The following MEGF6 variants were observed in gnomAD, a reference collection of about 807,000 sequenced individuals.
The protein encoded by MEGF6 is multiple epidermal growth factor-like domains protein 6.
MEGF6 carries 184 observed loss-of-function variants against 207.1 expected under a neutral mutation model. The ratio of observed to expected loss-of-function variants is 0.89; its 90% CI spans 0.79 to 1.00. The LOEUF (loss-of-function observed/expected upper bound fraction) is 1.00, where lower values mean the gene tolerates loss of function less well. MEGF6 is among the 50% of genes least tolerant of loss of function. The pLI, the probability that MEGF6 is intolerant of heterozygous loss-of-function variation, is 0.00. For missense variants in MEGF6, 2,282 were observed against 2,202.9 expected, an observed-to-expected ratio of 1.04 and a Z score of -0.72; for synonymous variants, 1,038 against 910.0, an observed-to-expected ratio of 1.14 and a Z score of -2.53.
intron 3 of MEGF6, among the ~76,000 whole-genome samples, chr1:3,590,967 C>T (rs1643967130): frequency 6.8e-6 from 1 of 147,546 alleles, no homozygotes; most frequent in Non-Finnish European, 1.5e-5. Flanking sequence ...GCAGGGAGGA[C>T]CCTGGCTGGG....
intron 5 of MEGF6, among the ~76,000 whole-genome samples, chr1:3,520,046 T>A (rs1641685987): frequency 6.6e-6 from 1 of 152,220 alleles, no homozygotes; most frequent in African/African-American, 2.4e-5. Context: ...AAAGGCCTGA[T>A]GGGCATGGGC....
intron 30 of MEGF6, among the ~76,000 whole-genome samples, 167 bp downstream of exon 30, chr1:3,495,723 C>A (rs1640570209): frequency 6.6e-6 from 1 of 152,226 alleles, no homozygotes; most frequent in Non-Finnish European, 1.5e-5. Flanking sequence ...GCGTAGTCAA[C>A]ACAAGCTACA....
intron 1 of MEGF6, among the ~76,000 whole-genome samples, chr1:3,608,227 G>C (rs1245961411): frequency 1.3e-5 from 2 of 152,106 alleles, no homozygotes; most frequent in Non-Finnish European, 2.9e-5. Context: ...TCCTGCCCTG[G>C]GGCCCCTCGG....
intron 1 of MEGF6, among the ~76,000 whole-genome samples, chr1:3,607,728 C>A (rs1262122295): frequency 6.6e-6 from 1 of 152,236 alleles, no homozygotes; most frequent in Non-Finnish European, 1.5e-5. Flanking sequence ...CTGGATCCCG[C>A]CTCCCATCTG....
In MEGF6 at chr1:3,501,249, C is replaced by T. The variant is rs759657809; in HGVS notation, c.2374G>A (p.Ala792Thr). Residue 792 changes from alanine to threonine, a missense_variant, in exon 19 of 37, where the codon GCT becomes ACT. Coordinates refer to ENST00000356575, the MANE Select transcript of MEGF6 (RefSeq NM_001409.4). Reference sequence around the variant, plus strand: ...CCGGTCTCAGGGTCGCAGCGGGCAGCGTGCTGGCATGCTGGGCAGATCTCC... The same window carrying T: ...CCGGTCTCAGGGTCGCAGCGGGCAGTGTGCTGGCATGCTGGGCAGATCTCC... ...CQEICPACQHAARCDPETGAC... is the reference protein window; with the variant it reads ...CQEICPACQHTARCDPETGAC... 18 of 1,609,812 alleles carry T rather than the reference C, an allele frequency of 1.1e-5. No individual in the cohort carries two copies. Among genetic ancestry groups the T allele is most frequent in the East Asian group, 2.2e-5 (1 of 44,700 alleles).
At position 3,495,977 on chromosome 1, in the gene MEGF6, A is replaced by G. The variant is rs757994827; in HGVS notation, c.3784T>C (p.Cys1262Arg). The change falls in exon 30 of 37, where the codon TGT becomes CGT. Residue 1262 changes from cysteine to arginine, a missense_variant. Transcript: ENST00000356575. ...CAGGCCGCCCCCTGCCCACACCCAC[A>G]CACGTGGGTGCAGTTGGGGCCGAAG... is the stretch of plus-strand genomic sequence containing the variant. ...GRFGPNCTHV[C>R]GCGQGAACDP... 6.4e-7 allele frequency: 1 copy of G among 1,573,088 alleles called. No individual in the cohort carries two copies. Among genetic ancestry groups the G allele is most frequent in the East Asian group, 2.3e-5 (1 of 43,834 alleles).
At chr1:3,613,382 C>T (rs114556096), upstream of MEGF6, among the ~76,000 whole-genome samples, 3 of 152,348 alleles carry the variant, frequency 2.0e-5, no homozygotes, top group East Asian at 3.9e-4. Flanking sequence ...GTGTCTCCCC[C>T]ACCCTGAGAG....
chr1:3,519,171 G>A (rs894415330), intron 5 of MEGF6, among the ~76,000 whole-genome samples: 1 of 152,090 alleles, frequency 6.6e-6, no homozygotes, highest in Non-Finnish European at 1.5e-5. Context: ...CCCACCCCTG[G>A]CCAGGGCCAG....
chr1:3,582,430 G>A (rs1283883976), intron 3 of MEGF6, among the ~76,000 whole-genome samples: 2 of 152,112 alleles, frequency 1.3e-5, no homozygotes, highest in African/African-American at 4.8e-5. Context: ...AGGGTATCTT[G>A]AACACACCCA....
chr1:3,601,752 T>A (rs958348892), intron 2 of MEGF6, among the ~76,000 whole-genome samples: 1 of 152,210 alleles, frequency 6.6e-6, no homozygotes, highest in African/African-American at 2.4e-5. Flanking sequence ...CAAACACACA[T>A]TGACCAGAAA....
At chr1:3,496,273 G>A (rs1246198207) in intron 29 of MEGF6, among the ~76,000 whole-genome samples, 6 of 152,216 alleles carry the variant, frequency 3.9e-5, no homozygotes, top group Non-Finnish European at 8.8e-5. Context: ...GCTCTGCTGG[G>A]GTCCCAGAAG....
At chr1:3,506,859 T>C (rs1452229385) in intron 14 of MEGF6, among the ~76,000 whole-genome samples, 1 of 152,202 alleles carries the variant, frequency 6.6e-6, no homozygotes, top group Admixed American at 6.5e-5. Context: ...AGGCTGGCCC[T>C]GAATCCAAAG....
At chr1:3,503,791 G>T (rs986119769) in intron 17 of MEGF6, among the ~76,000 whole-genome samples, 3 of 152,086 alleles carry the variant, frequency 2.0e-5, no homozygotes, top group African/African-American at 7.2e-5. Context: ...GGGATGCTGG[G>T]GAGTCAGGAG....
intron 3 of MEGF6, among the ~76,000 whole-genome samples, chr1:3,590,375 G>A (rs1378282828): frequency 7.3e-6 from 1 of 137,322 alleles, no homozygotes; most frequent in Admixed American, 7.8e-5. Context: ...GGAATTCAGA[G>A]AATCCATGAG....
chr1:3,514,239 C>T (rs1204804674), intron 7 of MEGF6, among the ~76,000 whole-genome samples: 1 of 143,838 alleles, frequency 7.0e-6, no homozygotes, highest in Non-Finnish European at 1.5e-5. Flanking sequence ...TAGAGCGAGA[C>T]TCCGTCTCAA....
intron 4 of MEGF6, among the ~76,000 whole-genome samples, chr1:3,579,490 G>C (rs2821052): frequency 0.87 from 131,953 of 152,214 alleles, 57,510 homozygotes; most frequent in Middle Eastern, 0.91. Context: ...GGCAGCACAG[G>C]TGGAGACCCT....
Position 3,500,833 on chromosome 1 carries a change from G to A in MEGF6, c.2576-69C>T, listed in dbSNP as rs1640828462. ...GCCACGGGCACCACAGCCGAGTCAG[G>A]CACAGGGGCGTCTCAGGACTGGGGC... On this transcript the variant is annotated intron_variant, in intron 20 of 36. Transcript: ENST00000356575. 1.9e-6 allele frequency: 3 copies of A among 1,593,246 alleles called. No homozygotes were observed. The East Asian group carries it at 6.7e-5, about 36-fold the overall frequency.
Position 3,611,296 on chromosome 1 carries a change from C to T in MEGF6, c.-28G>A, listed in dbSNP as rs1389815751. Reference sequence around the variant, plus strand: ...TGCGCGCCGGTGCCTCCTCCGCTCTCCGGCTCACAGGCGGCCCCGGCGGCT... The same window carrying T: ...TGCGCGCCGGTGCCTCCTCCGCTCTTCGGCTCACAGGCGGCCCCGGCGGCT... On this transcript the variant is annotated 5_prime_UTR_variant, in exon 1 of 37. Coordinates refer to ENST00000356575, the MANE Select transcript of MEGF6 (RefSeq NM_001409.4). The T allele has an allele frequency of 1.4e-6, 2 of 1,427,382 alleles. No individual in the cohort carries two copies. The highest frequency in any genetic ancestry group is 2.8e-5 in the Admixed American group (1 of 35,944). The allele number at this position is 1,427,382 out of a possible 1,614,324, so 88.4% of individuals were successfully genotyped here.
intron 4 of MEGF6, among the ~76,000 whole-genome samples, chr1:3,561,282 A>G (rs1047899761): frequency 5.9e-5 from 9 of 152,170 alleles, no homozygotes; most frequent in Non-Finnish European, 1.3e-4. Context: ...CTTCCTGTCC[A>G]GCCAGGAGCC....
Sources: allele counts gnomAD v4.1 joint callset (sites outside exome capture counted in the v4.1 genomes callset), GRCh38; gene constraint gnomAD v4.1.1; transcripts MANE v1.5; gene names NCBI Gene and HGNC (gene_info 2026-07-23, HGNC 2026-07-21).